SH3BGRL: variants seen among roughly 807,000 people sequenced by gnomAD.
SH3BGRL encodes the protein SH3 domain binding glutamate rich protein like.
A neutral mutation model predicts 9.8 loss-of-function variants in SH3BGRL; 7 were observed. That is an observed-to-expected ratio of 0.72 (90% CI 0.41 to 1.35). The LOEUF is 1.35. Ranked by LOEUF, SH3BGRL falls within the 40% of genes most tolerant of loss-of-function variation. The probability of loss-of-function intolerance (pLI) is 0.01; values close to 1 mark genes in which losing one functional copy is unlikely to be tolerated. For synonymous variants in SH3BGRL, 36 were observed against 29.1 expected (o/e 1.24, Z -0.76); for missense variants, 73 against 84.4 (o/e 0.86, Z 0.53).
At chrX:81,239,557 T>C (rs2075661225) in intron 1 of SH3BGRL, among the ~76,000 whole-genome samples, 1 of 111,085 alleles carries the variant, frequency 9.0e-6, no homozygotes, top group Non-Finnish European at 1.9e-5. Flanking sequence ...AATCTAAAAG[T>C]TATGGGCCTT....
At chrX:81,207,892 T>A (rs2075551925) in intron 1 of SH3BGRL, among the ~76,000 whole-genome samples, 1 of 111,824 alleles carries the variant, frequency 8.9e-6, no homozygotes, top group Admixed American at 9.5e-5. Context: ...TGGTGATTCT[T>A]GGGCATTTAA....
chrX:81,253,143 G>A (rs751956987), intron 1 of SH3BGRL, among the ~76,000 whole-genome samples: 178 of 111,852 alleles, frequency 1.6e-3, no homozygotes, highest in African/African-American at 5.2e-3. Flanking sequence ...TTAAAATGAG[G>A]CCATGGTTTA....
At chrX:81,271,614 G>A (rs1329029144) in intron 1 of SH3BGRL, among the ~76,000 whole-genome samples, 1 of 111,154 alleles carries the variant, frequency 9.0e-6, no homozygotes, top group Non-Finnish European at 1.9e-5. Flanking sequence ...CCAAATCTAC[G>A]TCTGATTGGT....
intron 1 of SH3BGRL, among the ~76,000 whole-genome samples, chrX:81,215,474 G>A (rs1391154438): frequency 9.0e-6 from 1 of 111,187 alleles, no homozygotes; most frequent in Non-Finnish European, 1.9e-5. Flanking sequence ...TCCGAAGGAC[G>A]AGAAAAGGCC....
At chrX:81,268,445 A>G (rs2075765435) in intron 1 of SH3BGRL, among the ~76,000 whole-genome samples, 1 of 111,919 alleles carries the variant, frequency 8.9e-6, no homozygotes, top group South Asian at 3.7e-4. Flanking sequence ...GTTTCAAAGA[A>G]CATCTTTATT....
intron 3 of SH3BGRL, among the ~76,000 whole-genome samples, chrX:81,284,789 A>T (rs371006774): frequency 9.0e-6 from 1 of 110,773 alleles, no homozygotes; most frequent in East Asian, 2.8e-4. Context: ...GAATAGGCTA[A>T]GATCATAAAT....
intron 1 of SH3BGRL, among the ~76,000 whole-genome samples, chrX:81,256,865 T>A (rs780029035): frequency 8.9e-5 from 10 of 111,832 alleles, no homozygotes; most frequent in African/African-American, 9.8e-5. Flanking sequence ...TTACATACCT[T>A]CACTATTATA....
At chrX:81,296,162 G>A (rs150979617) in intron 3 of SH3BGRL, among the ~76,000 whole-genome samples, 130 of 110,869 alleles carry the variant, frequency 1.2e-3, no homozygotes, top group Middle Eastern at 9.3e-3. Flanking sequence ...CCTGGTGGCA[G>A]GAGAGAGAGG....
At chrX:81,260,051 A>T (rs2075736458) in intron 1 of SH3BGRL, among the ~76,000 whole-genome samples, 1 of 111,614 alleles carries the variant, frequency 9.0e-6, no homozygotes, top group Non-Finnish European at 1.9e-5. Flanking sequence ...AAAAAAACCT[A>T]TGGTGTATAA....
At chrX:81,238,247 C>T (rs1205188195) in intron 1 of SH3BGRL, among the ~76,000 whole-genome samples, 2 of 111,251 alleles carry the variant, frequency 1.8e-5, no homozygotes, top group Non-Finnish European at 3.8e-5. Flanking sequence ...CTGCCCTGGG[C>T]CTGAAGGGAG....
chrX:81,278,417 A>C lies in SH3BGRL; in HGVS notation c.312+6A>C, dbSNP rs1420672634. ...CAGCCCCACCTGGTTCAAAGGTATG[A>C]TACCCTTTTTTTCCTGTTTTATAGG... On this transcript the variant is annotated splice_donor_region_variant and intron_variant, in intron 3 of 3. Coordinates refer to ENST00000373212, the MANE Select transcript of SH3BGRL (RefSeq NM_003022.3). The C allele has an allele frequency of 8.0e-6, 9 of 1,119,339 alleles. No individual in the cohort carries two copies. The highest frequency in any genetic ancestry group is 1.8e-5 in the African/African-American group (1 of 54,646). 92.2% of individuals were successfully genotyped at this position (1,119,339 alleles called of 1,213,427 possible).
At chrX:81,251,454 C>T (rs2075710429) in intron 1 of SH3BGRL, among the ~76,000 whole-genome samples, 1 of 107,876 alleles carries the variant, frequency 9.3e-6, no homozygotes, top group Non-Finnish European at 1.9e-5. Flanking sequence ...TCTTTAATTT[C>T]CTCTTGTATA....
At chrX:81,241,939 G>A (rs934353676) in intron 1 of SH3BGRL, among the ~76,000 whole-genome samples, 3 of 112,452 alleles carry the variant, frequency 2.7e-5, no homozygotes, top group Non-Finnish European at 5.6e-5. Context: ...CTGGCTGGGC[G>A]CAGTGTCTGG....
intron 1 of SH3BGRL, among the ~76,000 whole-genome samples, chrX:81,218,988 C>G (rs1196759770): frequency 1.8e-5 from 2 of 109,392 alleles, no homozygotes; most frequent in Non-Finnish European, 3.8e-5. Context: ...AAATCAGTAG[C>G]ATTTCTAAAT....
At chrX:81,237,528 C>G (rs917205487) in intron 1 of SH3BGRL, among the ~76,000 whole-genome samples, 1 of 111,590 alleles carries the variant, frequency 9.0e-6, no homozygotes, top group Non-Finnish European at 1.9e-5. Flanking sequence ...TGTCTGGACA[C>G]AGGGAGCATT....
intron 1 of SH3BGRL, among the ~76,000 whole-genome samples, chrX:81,253,197 G>A (rs1467601231): frequency 8.9e-6 from 1 of 111,930 alleles, no homozygotes; most frequent in African/African-American, 3.2e-5. Context: ...CTTTTAGAGT[G>A]AAAATAGGTA....
At chrX:81,211,512 G>C (rs1602592838) in intron 1 of SH3BGRL, among the ~76,000 whole-genome samples, 1 of 110,614 alleles carries the variant, frequency 9.0e-6, no homozygotes, top group East Asian at 2.9e-4. Flanking sequence ...GTGTGAACCC[G>C]GGAGGCGGAG....
At chrX:81,277,279 A>G (rs1223056209) in intron 2 of SH3BGRL, 110 bp downstream of exon 2, 6 of 622,534 alleles carry the variant, frequency 9.6e-6, no homozygotes, top group African/African-American at 9.4e-5. Flanking sequence ...TCTCTTGCAT[A>G]TAGTCATTTG....
chrX:81,205,504 G>GTATC (rs2075544521), intron 1 of SH3BGRL, among the ~76,000 whole-genome samples: 1 of 85,154 alleles, frequency 1.2e-5, no homozygotes, highest in African/African-American at 4.6e-5. Context: ...GTGTGTGTGT[G>GTATC]TATATATATA....
Sources: allele counts gnomAD v4.1 joint callset (sites outside exome capture counted in the v4.1 genomes callset), GRCh38; gene constraint gnomAD v4.1.1; transcripts MANE v1.5; gene names NCBI Gene and HGNC (gene_info 2026-07-23, HGNC 2026-07-21).